ENTPD1: variants seen among roughly 807,000 people sequenced by gnomAD.
ENTPD1 encodes the protein ectonucleoside triphosphate diphosphohydrolase 1, also known as ATP diphosphohydrolase.
A neutral mutation model predicts 57.0 loss-of-function variants in ENTPD1; 33 were observed. The ratio of observed to expected loss-of-function variants is 0.58; its 90% CI spans 0.44 to 0.77. The LOEUF (loss-of-function observed/expected upper bound fraction) is 0.77, where lower values mean the gene tolerates loss of function less well. Ranked by LOEUF, ENTPD1 falls within the 30% of genes least tolerant of loss-of-function variation. The pLI, the probability that ENTPD1 is intolerant of heterozygous loss-of-function variation, is 0.00. For synonymous variants in ENTPD1, 202 were observed against 218.8 expected, an observed-to-expected ratio of 0.92 and a Z score of 0.68; for missense variants, 501 against 603.4, an observed-to-expected ratio of 0.83 and a Z score of 1.78.
At chr10:95,709,888 CG>C (rs1388555518), upstream of ENTPD1, among the ~76,000 whole-genome samples, 4 of 151,588 alleles carry the variant, frequency 2.6e-5, no homozygotes, top group African/African-American at 9.7e-5. Flanking sequence ...GCCTTAGCCC[CG>C]GCCCCCCCCA....
chr10:95,838,725 G>C (rs1399603674), intron 2 of ENTPD1, among the ~76,000 whole-genome samples: 1 of 152,198 alleles, frequency 6.6e-6, no homozygotes, highest in Non-Finnish European at 1.5e-5. Context: ...GTGCACATAT[G>C]CAAAAATTTA....
intron 1 of ENTPD1, among the ~76,000 whole-genome samples, chr10:95,776,892 A>G (rs1368780302): frequency 6.6e-6 from 1 of 152,098 alleles, no homozygotes; most frequent in East Asian, 1.9e-4. Context: ...TTGATCTTCC[A>G]TCACTGATAC....
intron 8 of ENTPD1, chr10:95,861,342 T>A (rs1322961422): frequency 6.6e-6 from 1 of 152,258 alleles, no homozygotes; most frequent in Non-Finnish European, 1.5e-5. Context: ...TGCCACAAGA[T>A]GAAAATCCAG....
chr10:95,818,057 A>G (rs2098336055), intron 1 of ENTPD1, among the ~76,000 whole-genome samples: 1 of 152,240 alleles, frequency 6.6e-6, no homozygotes, highest in Non-Finnish European at 1.5e-5. Flanking sequence ...GACTACTGAC[A>G]TAACTGAGCT....
rs886070534 is a variant in ENTPD1, at chr10:95,871,305, A to T, written c.*4922A>T. ...TAAAATATAATCTGTTTATCTCACC[A>T]AAGAAATATTATCTTTAAAAAATGT... On this transcript the variant is annotated 3_prime_UTR_variant, in exon 10 of 10. Coordinates refer to ENST00000371205, the MANE Select transcript of ENTPD1 (RefSeq NM_001776.6). 2 of 984,946 alleles carry T rather than the reference A, an allele frequency of 2.0e-6. No individual in the cohort carries two copies. Among genetic ancestry groups the T allele is most frequent in the African/African-American group, 3.5e-5 (2 of 57,240 alleles). 61.0% of individuals were successfully genotyped at this position (984,946 alleles called of 1,614,324 possible). A position where few individuals can be genotyped will look rare whatever the true frequency, so the allele number is the denominator to read the frequency against.
chr10:95,796,446 A>C (rs1472505782), intron 1 of ENTPD1, among the ~76,000 whole-genome samples: 3 of 152,132 alleles, frequency 2.0e-5, no homozygotes, highest in African/African-American at 7.2e-5. Flanking sequence ...TAAATAAGAG[A>C]GGAAAGAATA....
intron 2 of ENTPD1, among the ~76,000 whole-genome samples, chr10:95,835,851 T>C (rs2098408391): frequency 1.3e-5 from 2 of 152,202 alleles, no homozygotes; most frequent in Non-Finnish European, 2.9e-5. Flanking sequence ...TGTCACTTTT[T>C]GTTTTAACTG....
chr10:95,814,573 A>G (rs986575911), intron 1 of ENTPD1, among the ~76,000 whole-genome samples: 1 of 152,012 alleles, frequency 6.6e-6, no homozygotes, highest in Admixed American at 6.6e-5. Flanking sequence ...CCACATCTAC[A>G]CTATCTGGAT....
rs188467605 is a variant in ENTPD1, at chr10:95,718,716, G to A, written c.37+6723G>A. 3.9e-5 allele frequency among the ~76,000 whole-genome samples: 6 copies of A among 152,206 alleles called. No homozygotes were observed. In the East Asian group the frequency reaches 1.2e-3, roughly 29 times the overall value. On this transcript the variant is annotated intron_variant, in intron 1 of 9. Transcript: ENST00000453258. ...GCTGAGCACTAGTTCCTGGAGCGAG[G>A]GGATTACTTTCAAGTATTCCATTAT...
At chr10:95,856,151 T>C (rs1168133343) in intron 7 of ENTPD1, among the ~76,000 whole-genome samples, 2 of 152,188 alleles carry the variant, frequency 1.3e-5, no homozygotes. Context: ...TATTCTTTTT[T>C]CTCTAAACTT....
the ENTPD1 span, among the ~76,000 whole-genome samples, chr10:95,694,892 C>G: frequency 7.8e-5 from 10 of 128,124 alleles, no homozygotes; most frequent in Non-Finnish European, 1.5e-4. Context: ...GACTGAGGAG[C>G]TGATTTTTTT....
intron 2 of ENTPD1, 113 bp downstream of exon 2, chr10:95,823,477 C>A: frequency 1.3e-6 from 2 of 1,514,062 alleles, no homozygotes; most frequent in Non-Finnish European, 1.8e-6. Flanking sequence ...GTTCTAACAG[C>A]CCAGGAACAA....
intron 5 of ENTPD1, 89 bp from the exon 6 acceptor site, chr10:95,845,268 T>G: frequency 6.3e-7 from 1 of 1,592,278 alleles, no homozygotes. Context: ...CCCTGTTTCT[T>G]TGCCTTAGGA....
intron 1 of ENTPD1, among the ~76,000 whole-genome samples, chr10:95,799,298 C>T (rs2098238989): frequency 6.6e-6 from 1 of 152,182 alleles, no homozygotes. Flanking sequence ...CTCCTCCCAC[C>T]TTCCACCCTC....
intron 1 of ENTPD1, among the ~76,000 whole-genome samples, chr10:95,722,838 G>A (rs1033824449): frequency 1.3e-5 from 2 of 152,184 alleles, no homozygotes; most frequent in African/African-American, 4.8e-5. Context: ...ATTTTCAGTG[G>A]TTAAGGTTAA....
intron 7 of ENTPD1, among the ~76,000 whole-genome samples, chr10:95,855,000 TTC>T (rs1404707900): frequency 7.2e-5 from 11 of 152,218 alleles, no homozygotes; most frequent in African/African-American, 2.7e-4. Flanking sequence ...CTTGTTAACT[TTC>T]TGTCTCATTG....
intron 1 of ENTPD1, among the ~76,000 whole-genome samples, chr10:95,717,802 C>T (rs2097973239): frequency 6.6e-6 from 1 of 152,120 alleles, no homozygotes; most frequent in Non-Finnish European, 1.5e-5. Flanking sequence ...GAGATTTCCT[C>T]AGGAGGGGTG....
At chr10:95,818,119 G>A (rs2140503555) in intron 1 of ENTPD1, among the ~76,000 whole-genome samples, 1 of 152,108 alleles carries the variant, frequency 6.6e-6, no homozygotes, top group East Asian at 1.9e-4. Flanking sequence ...TTTTGAAGGA[G>A]ACAAAAAGAC....
chr10:95,769,109 A>G (rs568694228), intron 1 of ENTPD1, among the ~76,000 whole-genome samples: 1 of 152,362 alleles, frequency 6.6e-6, no homozygotes, highest in East Asian at 1.9e-4. Flanking sequence ...GAAAGAAGGC[A>G]AAAGTCTCGC....
Sources: allele counts gnomAD v4.1 joint callset (sites outside exome capture counted in the v4.1 genomes callset), GRCh38; gene constraint gnomAD v4.1.1; transcripts MANE v1.5; gene names NCBI Gene and HGNC (gene_info 2026-07-23, HGNC 2026-07-21).